The following SLC13A4 variants were observed in gnomAD, a reference collection of about 807,000 sequenced individuals.
The protein encoded by SLC13A4 is solute carrier family 13 member 4.
SLC13A4 carries 28 observed loss-of-function variants against 72.7 expected under a neutral mutation model. That is an observed-to-expected ratio of 0.39 (90% CI 0.29 to 0.53). The LOEUF (loss-of-function observed/expected upper bound fraction) is 0.53. Ranked by LOEUF, SLC13A4 falls within the 20% of genes least tolerant of loss-of-function variation. The pLI, the probability that SLC13A4 is intolerant of heterozygous loss-of-function variation, is 0.78. For synonymous variants in SLC13A4, 312 were observed against 325.5 expected (o/e 0.96, Z 0.45); for missense variants, 653 against 788.0 (o/e 0.83, Z 2.05).
chr7:135,695,788 T>G (rs1795890036), intron 8 of SLC13A4, among the ~76,000 whole-genome samples: 1 of 152,238 alleles, frequency 6.6e-6, no homozygotes, highest in African/African-American at 2.4e-5. Context: ...TTAAAGATTC[T>G]GCTAAGTTTA....
At chr7:135,694,290 A>T (rs1405607299) in intron 9 of SLC13A4, 52 bp from the exon 10 acceptor site, 1 of 1,141,638 alleles carries the variant, frequency 8.8e-7, no homozygotes, top group South Asian at 1.3e-5. Context: ...TCTGAGGCCC[A>T]GAGATCAAAT....
intron 13 of SLC13A4, among the ~76,000 whole-genome samples, chr7:135,686,585 G>C (rs1338304055): frequency 6.6e-6 from 1 of 152,136 alleles, no homozygotes; most frequent in African/African-American, 2.4e-5. Flanking sequence ...GCCCAGGCCT[G>C]TCTCAAACAG....
At chr7:135,690,721 G>GAGAAGCTT (rs11281785) in intron 13 of SLC13A4, among the ~76,000 whole-genome samples, 35,872 of 151,892 alleles carry the variant, frequency 0.24, 4,594 homozygotes, top group East Asian at 0.43. Flanking sequence ...TAGTAGCGCT[G>GAGAAGCTT]AGAAGCTTAG....
intron 13 of SLC13A4, 99 bp downstream of exon 13, chr7:135,691,102 T>C: frequency 9.1e-7 from 1 of 1,095,138 alleles, no homozygotes; most frequent in Non-Finnish European, 1.3e-6. Context: ...AGGCGGAGGT[T>C]GCAGTGAGCT....
intron 14 of SLC13A4, among the ~76,000 whole-genome samples, chr7:135,685,051 G>A (rs535073465): frequency 9.9e-5 from 15 of 152,244 alleles, no homozygotes; most frequent in Admixed American, 2.6e-4. Context: ...AGAACTTCCC[G>A]GAGGACAGTG....
At chr7:135,723,103 C>T (rs957263415) in intron 1 of SLC13A4, among the ~76,000 whole-genome samples, 3 of 152,154 alleles carry the variant, frequency 2.0e-5, no homozygotes, top group Non-Finnish European at 4.4e-5. Flanking sequence ...CCAAATGTCC[C>T]TTGGGGAGGT....
intron 3 of SLC13A4, 23 bp from the exon 4 acceptor site, chr7:135,706,323 G>A: frequency 6.3e-7 from 1 of 1,585,120 alleles, no homozygotes; most frequent in Non-Finnish European, 8.6e-7. Context: ...GAGGGTTGGG[G>A]CAGAGCGTCC....
chr7:135,712,696 T>C (rs765788031), intron 2 of SLC13A4, among the ~76,000 whole-genome samples: 1 of 152,236 alleles, frequency 6.6e-6, no homozygotes, highest in East Asian at 1.9e-4. Flanking sequence ...GGCTGCTTTT[T>C]CATTTTTAGA....
intron 5 of SLC13A4, 125 bp from the exon 6 acceptor site, chr7:135,703,009 C>T (rs898960069): frequency 7.2e-6 from 5 of 692,056 alleles, no homozygotes; most frequent in Non-Finnish European, 1.3e-5. Context: ...TTCTAGTCTC[C>T]AGAGAAGACT....
At chr7:135,725,627 A>T (rs982314716) in intron 1 of SLC13A4, among the ~76,000 whole-genome samples, 2 of 152,134 alleles carry the variant, frequency 1.3e-5, no homozygotes, top group Non-Finnish European at 2.9e-5. Context: ...ACTCCAGTCC[A>T]GAGCAAGAAA....
chr7:135,699,949 T>C (rs1795993176), intron 7 of SLC13A4, among the ~76,000 whole-genome samples: 1 of 152,198 alleles, frequency 6.6e-6, no homozygotes, highest in Admixed American at 6.5e-5. Flanking sequence ...GTTATTCCTG[T>C]AGAGTTAGAA....
chr7:135,708,835 A>G (rs947026282), intron 2 of SLC13A4, among the ~76,000 whole-genome samples: 6 of 150,358 alleles, frequency 4.0e-5, no homozygotes, highest in African/African-American at 4.9e-5. Context: ...TTTATACAGT[A>G]TGTATACTTT....
intron 8 of SLC13A4, 95 bp from the exon 9 acceptor site, chr7:135,695,582 T>C: frequency 7.4e-7 from 1 of 1,354,114 alleles, no homozygotes; most frequent in Non-Finnish European, 1.0e-6. Context: ...AACATACAGC[T>C]GGGCTAAGTG....
intron 1 of SLC13A4, among the ~76,000 whole-genome samples, chr7:135,724,621 G>C (rs533468461): frequency 1.3e-5 from 2 of 152,166 alleles, no homozygotes; most frequent in Admixed American, 1.3e-4. Flanking sequence ...CAAACATTTT[G>C]GTTGTAAATA....
intron 8 of SLC13A4, among the ~76,000 whole-genome samples, chr7:135,699,009 T>C (rs1403215152): frequency 6.6e-6 from 1 of 152,102 alleles, no homozygotes; most frequent in African/African-American, 2.4e-5. Context: ...GGCAGGATCA[T>C]GGCTCACCGT....
chr7:135,683,830 T>C, intron 15 of SLC13A4: 1 of 969,348 alleles, frequency 1.0e-6, no homozygotes, highest in South Asian at 4.8e-5. Context: ...GCAAAACTTG[T>C]TTGCACAGGC....
At chr7:135,722,523 C>T (rs1359767803) in intron 1 of SLC13A4, among the ~76,000 whole-genome samples, 1 of 152,016 alleles carries the variant, frequency 6.6e-6, no homozygotes, top group Non-Finnish European at 1.5e-5. Flanking sequence ...GACCCCCTCT[C>T]CAGCCTCATC....
chr7:135,724,750 A>G (rs191635491), intron 1 of SLC13A4, among the ~76,000 whole-genome samples: 10 of 152,194 alleles, frequency 6.6e-5, no homozygotes, highest in Non-Finnish European at 5.9e-5. Context: ...TTAGAGTAGA[A>G]GAATGGACAA....
At chr7:135,699,747 T>C (rs942904524) in intron 7 of SLC13A4, among the ~76,000 whole-genome samples, 199 bp from the exon 8 acceptor site, 4 of 152,322 alleles carry the variant, frequency 2.6e-5, no homozygotes, top group African/African-American at 7.2e-5. Context: ...GGAAACCATA[T>C]TTTCTCTGCT....
Sources: gnomAD v4.1 joint callset for allele counts (sites outside exome capture counted in the v4.1 genomes callset) on GRCh38, gnomAD v4.1.1 for gene constraint, MANE v1.5 for transcripts, NCBI Gene and HGNC (gene_info 2026-07-23, HGNC 2026-07-21) for gene names.